Variants in RTL4 observed in about 807,000 individuals in gnomAD.
RTL4 encodes retrotransposon Gag like 4.
Under a neutral mutation model 5.3 loss-of-function variants are expected in RTL4, and 4 were observed. That is an observed-to-expected ratio of 0.75 (90% CI 0.37 to 1.72). The LOEUF (loss-of-function observed/expected upper bound fraction) is 1.72. Among genes scored for constraint, RTL4 ranks in the 40% most tolerant of loss-of-function variants. The probability of loss-of-function intolerance (pLI) is 0.04; values close to 1 mark genes in which losing one functional copy is unlikely to be tolerated. For synonymous variants in RTL4, 98 were observed against 87.3 expected (o/e 1.12, Z -0.68); for missense variants, 260 against 227.1 (o/e 1.14, Z -0.93).
chrX:112,109,834 GAA>G, the RTL4 span, among the ~76,000 whole-genome samples: 1 of 111,531 alleles, frequency 9.0e-6, no homozygotes, highest in African/African-American at 3.3e-5. Context: ...GGATAGGGGC[GAA>G]GAAGGGGCCC....
chrX:112,337,210 C>T, the RTL4 span, among the ~76,000 whole-genome samples: 9 of 111,581 alleles, frequency 8.1e-5, no homozygotes, highest in African/African-American at 2.9e-4. Context: ...GTACATATAC[C>T]AATTCATATC....
At chrX:112,112,883 C>G in the RTL4 span, among the ~76,000 whole-genome samples, 3 of 111,540 alleles carry the variant, frequency 2.7e-5, no homozygotes, top group African/African-American at 9.8e-5. Flanking sequence ...AGAAGGCATC[C>G]TTGAGGTCCA....
the RTL4 span, among the ~76,000 whole-genome samples, chrX:112,211,972 C>T: frequency 6.2e-5 from 7 of 112,327 alleles, no homozygotes; most frequent in African/African-American, 2.3e-4. Context: ...AGCATGGTAT[C>T]TTTACTACCT....
chrX:112,116,507 G>T, the RTL4 span, among the ~76,000 whole-genome samples: 18,621 of 110,740 alleles, frequency 0.17, 2,433 homozygotes, highest in African/African-American at 0.44. Context: ...ATTTGTCCCT[G>T]CCCACATCCT....
At chrX:112,431,666 T>C in the RTL4 span, among the ~76,000 whole-genome samples, 1 of 111,082 alleles carries the variant, frequency 9.0e-6, no homozygotes, top group African/African-American at 3.3e-5. Context: ...TTAAGAAGAG[T>C]TGTTTGTCTT....
At chrX:112,164,056 G>A in the RTL4 span, among the ~76,000 whole-genome samples, 2 of 111,862 alleles carry the variant, frequency 1.8e-5, no homozygotes, top group Non-Finnish European at 3.8e-5. Context: ...TAATTTTATA[G>A]CGAAGAAAAC....
At chrX:112,174,300 C>T in the RTL4 span, among the ~76,000 whole-genome samples, 1 of 91,482 alleles carries the variant, frequency 1.1e-5, no homozygotes, top group Non-Finnish European at 2.1e-5. Flanking sequence ...TCTCATTGTT[C>T]AATTCCCATC....
chrX:112,311,016 G>A, the RTL4 span, among the ~76,000 whole-genome samples: 2 of 106,008 alleles, frequency 1.9e-5, no homozygotes, highest in Non-Finnish European at 3.8e-5. Context: ...CTTCTGCAAA[G>A]GGGGAACTTG....
chrX:112,416,727 T>C, the RTL4 span, among the ~76,000 whole-genome samples: 1 of 112,152 alleles, frequency 8.9e-6, no homozygotes, highest in Non-Finnish European at 1.9e-5. Context: ...CTTGAATTTC[T>C]ATTGTTGGCA....
At chrX:112,444,681 TTA>T in the RTL4 span, among the ~76,000 whole-genome samples, 1 of 111,897 alleles carries the variant, frequency 8.9e-6, no homozygotes, top group Admixed American at 9.5e-5. Flanking sequence ...AGAATTTTTA[TTA>T]TGGCTTTGAT....
the RTL4 span, among the ~76,000 whole-genome samples, chrX:112,106,038 T>A: frequency 8.9e-6 from 1 of 111,985 alleles, no homozygotes; most frequent in African/African-American, 3.2e-5. Context: ...AACTTTGTTG[T>A]GTTGAAGCAC....
the RTL4 span, among the ~76,000 whole-genome samples, chrX:112,150,838 A>G: frequency 1.8e-5 from 2 of 112,250 alleles, no homozygotes; most frequent in Non-Finnish European, 3.8e-5. Flanking sequence ...GAGAGGAAAT[A>G]GTAGAGAACC....
the RTL4 span, among the ~76,000 whole-genome samples, chrX:112,187,599 G>A: frequency 2.7e-5 from 3 of 111,858 alleles, no homozygotes; most frequent in African/African-American, 9.8e-5. Context: ...ATATGCCATA[G>A]GGATATAAGT....
chrX:112,126,397 A>C, the RTL4 span, among the ~76,000 whole-genome samples: 1 of 112,305 alleles, frequency 8.9e-6, no homozygotes, highest in African/African-American at 3.2e-5. Context: ...AAAACACAAC[A>C]TACTGAATTT....
the RTL4 span, among the ~76,000 whole-genome samples, chrX:112,432,188 CAT>C: frequency 9.5e-6 from 1 of 104,970 alleles, no homozygotes; most frequent in Non-Finnish European, 2.0e-5. Flanking sequence ...CCACAATAAA[CAT>C]ATGTGTGCAT....
chrX:112,291,620 G>A, the RTL4 span, among the ~76,000 whole-genome samples: 2 of 107,601 alleles, frequency 1.9e-5, no homozygotes, highest in African/African-American at 6.9e-5. Context: ...TTTTTTTGAC[G>A]GAGTCTTGCT....
At chrX:112,260,922 C>A in the RTL4 span, among the ~76,000 whole-genome samples, 1 of 111,825 alleles carries the variant, frequency 8.9e-6, no homozygotes, top group Non-Finnish European at 1.9e-5. Flanking sequence ...TGTATCCAGT[C>A]TCATTCAGAA....
At chrX:112,177,360 A>G in the RTL4 span, among the ~76,000 whole-genome samples, 1 of 110,849 alleles carries the variant, frequency 9.0e-6, no homozygotes. Context: ...CTTTTTGATA[A>G]TAGCCATTCA....
the RTL4 span, among the ~76,000 whole-genome samples, chrX:112,169,724 CT>C: frequency 5.4e-5 from 6 of 111,535 alleles, no homozygotes; most frequent in African/African-American, 1.6e-4. Context: ...GGTTATATTT[CT>C]TTTGACCTCT....
Sources: gnomAD v4.1 joint callset for allele counts (sites outside exome capture counted in the v4.1 genomes callset) on GRCh38, gnomAD v4.1.1 for gene constraint, MANE v1.5 for transcripts, NCBI Gene and HGNC (gene_info 2026-07-23, HGNC 2026-07-21) for gene names.